The following ERBB4 variants were observed in gnomAD, a reference collection of about 807,000 sequenced individuals.
ERBB4 encodes receptor tyrosine-protein kinase erbB-4.
ERBB4 carries 42 observed loss-of-function variants against 158.0 expected under a neutral mutation model. That is an observed-to-expected ratio of 0.27 (90% CI 0.21 to 0.34). The LOEUF is 0.34. ERBB4 is among the 10% of genes least tolerant of loss of function. The pLI, the probability that ERBB4 is intolerant of heterozygous loss-of-function variation, is 1.00. For missense variants in ERBB4, 1,333 were observed against 1,624.1 expected (o/e 0.82, Z 3.08); for synonymous variants, 583 against 558.7 (o/e 1.04, Z -0.61).
chr2:211,396,025 A>G lies in ERBB4; in HGVS notation c.3136-8033T>C, dbSNP rs2062908597. On this transcript the variant is annotated intron_variant, in intron 25 of 27. Transcript: ENST00000342788. ...TTTGAACTAAGAATAAGAAAAAAAA[A>G]AAGACTATAAACACTTTGAATTTGA... Among the ~76,000 whole-genome samples, 3 of 152,030 alleles carry G rather than the reference A, an allele frequency of 2.0e-5. No individual in the cohort carries two copies. The South Asian group carries it at 6.2e-4, about 31-fold the overall frequency.
At chr2:211,403,874 G>C (rs1189643844) in intron 25 of ERBB4, among the ~76,000 whole-genome samples, 1 of 152,038 alleles carries the variant, frequency 6.6e-6, no homozygotes, top group East Asian at 1.9e-4. Context: ...ACTTACCAAA[G>C]CTATTTTACA....
chr2:211,858,512 T>C (rs1477117755), intron 3 of ERBB4, among the ~76,000 whole-genome samples: 1 of 152,210 alleles, frequency 6.6e-6, no homozygotes, highest in Non-Finnish European at 1.5e-5. Context: ...CTTACCAAAA[T>C]TCTCTATTGA....
chr2:211,516,703 G>T (rs76109600), intron 20 of ERBB4, among the ~76,000 whole-genome samples: 1 of 152,036 alleles, frequency 6.6e-6, no homozygotes, highest in Non-Finnish European at 1.5e-5. Context: ...CTAAATAAGG[G>T]TGAAAGGAGT....
At chr2:211,638,586 G>C (rs950837209) in intron 16 of ERBB4, among the ~76,000 whole-genome samples, 4 of 152,114 alleles carry the variant, frequency 2.6e-5, no homozygotes, top group Admixed American at 6.6e-5. Context: ...AAAACTGTAA[G>C]TGCTGAAGCT....
At chr2:211,723,126 T>C (rs563419016) in intron 6 of ERBB4, among the ~76,000 whole-genome samples, 125 of 152,324 alleles carry the variant, frequency 8.2e-4, no homozygotes, top group Non-Finnish European at 1.4e-3. Context: ...TGATGTCATT[T>C]CTAGTATGGC....
chr2:211,853,843 A>T (rs2077780546), intron 3 of ERBB4, among the ~76,000 whole-genome samples: 1 of 152,248 alleles, frequency 6.6e-6, no homozygotes, highest in African/African-American at 2.4e-5. Flanking sequence ...ACAATGACTC[A>T]ATAAAAAGCA....
At chr2:211,972,999 G>C (rs1011482431) in intron 2 of ERBB4, among the ~76,000 whole-genome samples, 1 of 150,102 alleles carries the variant, frequency 6.7e-6, no homozygotes, top group Admixed American at 6.7e-5. Flanking sequence ...AAAAATGGGA[G>C]AAAATTTTGC....
chr2:212,511,596 C>A (rs1442815587), intron 1 of ERBB4, among the ~76,000 whole-genome samples: 1 of 152,014 alleles, frequency 6.6e-6, no homozygotes, highest in Non-Finnish European at 1.5e-5. Context: ...TTCTGTGAAA[C>A]GAATAGATAC....
chr2:211,884,005 T>A (rs1450559322), intron 3 of ERBB4, among the ~76,000 whole-genome samples: 1 of 152,166 alleles, frequency 6.6e-6, no homozygotes, highest in African/African-American at 2.4e-5. Flanking sequence ...TACTTCTCTA[T>A]TGGAACTAAA....
At chr2:212,308,590 T>C (rs1393709997) in intron 1 of ERBB4, among the ~76,000 whole-genome samples, 1 of 150,890 alleles carries the variant, frequency 6.6e-6, no homozygotes, top group African/African-American at 2.4e-5. Flanking sequence ...TTGATCAATA[T>C]ATTTTGCTAA....
intron 1 of ERBB4, among the ~76,000 whole-genome samples, chr2:212,195,168 C>A (rs78411535): frequency 0.012 from 1,891 of 151,988 alleles, 24 homozygotes; most frequent in African/African-American, 0.043. Flanking sequence ...TAGATAGTAA[C>A]AGGATCCTCA....
intron 22 of ERBB4, among the ~76,000 whole-genome samples, chr2:211,424,879 A>G: frequency 6.6e-6 from 1 of 152,134 alleles, no homozygotes; most frequent in East Asian, 1.9e-4. Context: ...TCCATACGTA[A>G]TATATAGTAC....
Position 211,576,080 on chromosome 2 carries a change from C to T in ERBB4, c.2302-13992G>A, listed in dbSNP as rs963582776. ...GGTAACAGCAATGAGTACAAATCTG[C>T]GTTAATGTTATTTATTATTTTATAT... On this transcript the variant is annotated intron_variant, in intron 19 of 27. Transcript: ENST00000342788. 1.5e-4 allele frequency among the ~76,000 whole-genome samples: 21 copies of T among 137,678 alleles called. No individual in the cohort carries two copies. In the Admixed American group the frequency reaches 1.7e-3, roughly 11 times the overall value. The allele number at this position is 137,678 out of a possible 152,430, so 90.3% of individuals were successfully genotyped here. A position where few individuals can be genotyped will look rare whatever the true frequency, so the allele number is the denominator to read the frequency against.
chr2:212,178,382 A>C (rs981214305), intron 1 of ERBB4, among the ~76,000 whole-genome samples: 1 of 151,756 alleles, frequency 6.6e-6, no homozygotes, highest in African/African-American at 2.4e-5. Flanking sequence ...TAAAAATGAG[A>C]GTTATGTAAA....
intron 1 of ERBB4, among the ~76,000 whole-genome samples, chr2:212,462,737 C>G (rs902641564): frequency 6.6e-6 from 1 of 152,064 alleles, no homozygotes; most frequent in Non-Finnish European, 1.5e-5. Context: ...TATGATTCAG[C>G]AATTCCACTA....
At chr2:211,824,413 A>C (rs1159411899) in intron 3 of ERBB4, among the ~76,000 whole-genome samples, 1 of 151,992 alleles carries the variant, frequency 6.6e-6, no homozygotes, top group Non-Finnish European at 1.5e-5. Flanking sequence ...GAAATAATTC[A>C]GGCAAGCAAA....
intron 3 of ERBB4, among the ~76,000 whole-genome samples, chr2:211,788,855 G>T (rs189534453): frequency 2.6e-5 from 4 of 152,146 alleles, no homozygotes; most frequent in African/African-American, 9.7e-5. Flanking sequence ...AAATCGATAA[G>T]ATTGCCAATT....
intron 4 of ERBB4, among the ~76,000 whole-genome samples, chr2:211,772,127 A>G (rs2075706192): frequency 6.6e-6 from 1 of 152,180 alleles, no homozygotes; most frequent in African/African-American, 2.4e-5. Flanking sequence ...TGGAAATACT[A>G]CATAATGGTG....
At chr2:212,028,300 G>T (rs2076820596) in intron 2 of ERBB4, among the ~76,000 whole-genome samples, 1 of 152,032 alleles carries the variant, frequency 6.6e-6, no homozygotes, top group South Asian at 2.1e-4. Context: ...TCAAAAATAT[G>T]TCTACGACCT....
Sources: allele counts gnomAD v4.1 joint callset (sites outside exome capture counted in the v4.1 genomes callset), GRCh38; gene constraint gnomAD v4.1.1; transcripts MANE v1.5; gene names NCBI Gene and HGNC (gene_info 2026-07-23, HGNC 2026-07-21).